Variants in NRXN3 observed in about 807,000 individuals in gnomAD.
NRXN3 encodes neurexin 3.
Under a neutral mutation model 137.6 loss-of-function variants are expected in NRXN3, and 32 were observed. The observed-to-expected ratio is 0.23, with a 90% confidence interval of 0.18 to 0.31. The LOEUF (loss-of-function observed/expected upper bound fraction) is 0.31. NRXN3 is among the 10% of genes least tolerant of loss of function. The probability of loss-of-function intolerance (pLI) is 1.00; values close to 1 mark genes in which losing one functional copy is unlikely to be tolerated. For missense variants in NRXN3, 1,574 were observed against 2,062.5 expected, an observed-to-expected ratio of 0.76 and a Z score of 4.59; for synonymous variants, 798 against 784.5, an observed-to-expected ratio of 1.02 and a Z score of -0.29.
intron 4 of NRXN3, among the ~76,000 whole-genome samples, chr14:78,310,794 A>G (rs2077890216): frequency 6.6e-6 from 1 of 152,128 alleles, no homozygotes; most frequent in Non-Finnish European, 1.5e-5. Flanking sequence ...CAAGCTATAC[A>G]ACCTTGTTAA....
intron 9 of NRXN3, among the ~76,000 whole-genome samples, chr14:78,804,276 G>C (rs1016933241): frequency 6.6e-6 from 1 of 152,154 alleles, no homozygotes; most frequent in Non-Finnish European, 1.5e-5. Context: ...AGGGTGAGAA[G>C]TACATTGTTT....
intron 15 of NRXN3, among the ~76,000 whole-genome samples, chr14:78,994,216 G>T (rs1487492620): frequency 1.3e-5 from 2 of 152,032 alleles, no homozygotes; most frequent in African/African-American, 4.8e-5. Flanking sequence ...GGAAAGGAAA[G>T]GTAGCGTGCC....
chr14:78,533,099 C>CTTTTTTTTTTT (rs71452898), intron 4 of NRXN3, among the ~76,000 whole-genome samples: 1 of 120,062 alleles, frequency 8.3e-6, no homozygotes, highest in African/African-American at 3.1e-5. Flanking sequence ...TCCCTCCAGC[C>CTTTTTTTTTTT]TTTTTTTTTT....
chr14:79,413,228 G>C (rs1040201317), intron 15 of NRXN3, among the ~76,000 whole-genome samples: 12 of 152,076 alleles, frequency 7.9e-5, no homozygotes, highest in Admixed American at 7.9e-4. Flanking sequence ...CACCTCCTTA[G>C]GAAGATCTGG....
intron 11 of NRXN3, among the ~76,000 whole-genome samples, chr14:78,965,335 C>T (rs1452260470): frequency 1.3e-5 from 2 of 152,140 alleles, no homozygotes; most frequent in East Asian, 1.9e-4. Context: ...CTAAGCCCCC[C>T]AGGTGATTCT....
At chr14:78,252,573 C>T (rs1266392803) in intron 2 of NRXN3, among the ~76,000 whole-genome samples, 1 of 152,240 alleles carries the variant, frequency 6.6e-6, no homozygotes, top group Non-Finnish European at 1.5e-5. Flanking sequence ...ACTTTTGCCT[C>T]TGATCTGCTA....
chr14:78,444,691 G>A (rs985980940), intron 4 of NRXN3, among the ~76,000 whole-genome samples: 3 of 151,960 alleles, frequency 2.0e-5, no homozygotes, highest in African/African-American at 7.2e-5. Context: ...AGGCTGAGGC[G>A]GGTGGATGAT....
intron 20 of NRXN3, among the ~76,000 whole-genome samples, chr14:79,845,262 T>C (rs1384154968): frequency 2.0e-5 from 3 of 152,208 alleles, no homozygotes; most frequent in African/African-American, 7.2e-5. Flanking sequence ...TTTCTTATCA[T>C]TCGGGTATTT....
At chr14:78,625,805 G>A (rs1008953030) in intron 4 of NRXN3, among the ~76,000 whole-genome samples, 16 of 152,214 alleles carry the variant, frequency 1.1e-4, no homozygotes, top group Non-Finnish European at 1.6e-4. Context: ...CCATGTGTGT[G>A]TGAGGCTCAA....
chr14:78,263,153 T>C (rs2071065432), intron 2 of NRXN3, among the ~76,000 whole-genome samples: 1 of 152,250 alleles, frequency 6.6e-6, no homozygotes, highest in Admixed American at 6.5e-5. Flanking sequence ...TTTTAGTTTT[T>C]GTTCTTTCTT....
chr14:78,377,490 A>C (rs557750325), intron 4 of NRXN3, among the ~76,000 whole-genome samples: 1 of 152,368 alleles, frequency 6.6e-6, no homozygotes, highest in Non-Finnish European at 1.5e-5. Context: ...GTAATAGGTA[A>C]TTGGTAATAA....
At chr14:78,335,182 A>T (rs572443170) in intron 4 of NRXN3, among the ~76,000 whole-genome samples, 21 of 152,342 alleles carry the variant, frequency 1.4e-4, no homozygotes, top group African/African-American at 5.0e-4. Context: ...TGAAGTCTGC[A>T]CTTGAGATGA....
intron 2 of NRXN3, among the ~76,000 whole-genome samples, chr14:78,267,713 G>A (rs193032876): frequency 1.8e-4 from 27 of 152,234 alleles, no homozygotes; most frequent in African/African-American, 6.5e-4. Flanking sequence ...TCCATCCTGT[G>A]GGGGCACTTT....
chr14:78,463,064 T>C (rs571446379), intron 4 of NRXN3, among the ~76,000 whole-genome samples: 4 of 152,326 alleles, frequency 2.6e-5, no homozygotes, highest in African/African-American at 9.6e-5. Flanking sequence ...GTGTACTCAT[T>C]GTTAAGCTCC....
chr14:79,214,389 C>A (rs773266677), intron 15 of NRXN3, among the ~76,000 whole-genome samples: 1 of 152,162 alleles, frequency 6.6e-6, no homozygotes. Flanking sequence ...AAAGTAGAAT[C>A]TGAAGAAATA....
intron 15 of NRXN3, among the ~76,000 whole-genome samples, chr14:79,430,331 T>C (rs2095729039): frequency 6.6e-6 from 1 of 152,206 alleles, no homozygotes; most frequent in South Asian, 2.1e-4. Context: ...TCAAACGTGA[T>C]GAGTGATAGA....
At chr14:78,845,722 A>G (rs1475306418) in intron 10 of NRXN3, among the ~76,000 whole-genome samples, 1 of 152,094 alleles carries the variant, frequency 6.6e-6, no homozygotes, top group African/African-American at 2.4e-5. Flanking sequence ...GAGAGTATTC[A>G]TTCTGCGTGT....
chr14:78,856,129 G>T (rs1272340240), intron 10 of NRXN3, among the ~76,000 whole-genome samples: 1 of 152,134 alleles, frequency 6.6e-6, no homozygotes, highest in Non-Finnish European at 1.5e-5. Context: ...TCCAACCTCA[G>T]TATGCCTACA....
At chr14:79,690,918 G>A (rs1342182638) in intron 17 of NRXN3, among the ~76,000 whole-genome samples, 3 of 152,032 alleles carry the variant, frequency 2.0e-5, no homozygotes, top group African/African-American at 7.2e-5. Flanking sequence ...TTGTTTCCAA[G>A]CCACCTGGTT....
Sources: allele counts gnomAD v4.1 joint callset (sites outside exome capture counted in the v4.1 genomes callset), GRCh38; gene constraint gnomAD v4.1.1; transcripts MANE v1.5; gene names NCBI Gene and HGNC (gene_info 2026-07-23, HGNC 2026-07-21).